The following RGS6 variants were observed in gnomAD, a reference collection of about 807,000 sequenced individuals.
RGS6 encodes regulator of G protein signaling 6, also known as regulator of G-protein signaling 6.
A neutral mutation model predicts 78.5 loss-of-function variants in RGS6; 30 were observed. The observed-to-expected ratio is 0.38, with a 90% confidence interval of 0.29 to 0.52. The LOEUF is 0.52. Among genes scored for constraint, RGS6 ranks in the 20% least tolerant of loss-of-function variants. The pLI is 0.85. For synonymous variants in RGS6, 206 were observed against 206.0 expected (o/e 1.00, Z 0.00); for missense variants, 495 against 609.7 (o/e 0.81, Z 1.98).
At chr14:72,424,798 G>C (rs1264252119) in intron 3 of RGS6, among the ~76,000 whole-genome samples, 1 of 152,002 alleles carries the variant, frequency 6.6e-6, no homozygotes, top group Non-Finnish European at 1.5e-5. Flanking sequence ...TCTGAGTTCT[G>C]GGGGGGCAAT....
chr14:71,987,239 A>T (rs1387594486), intron 2 of RGS6, among the ~76,000 whole-genome samples: 2 of 152,148 alleles, frequency 1.3e-5, no homozygotes, highest in Non-Finnish European at 2.9e-5. Flanking sequence ...GATGGTTGAT[A>T]TGTGGCAATC....
chr14:72,431,193 G>A (rs1029102851), intron 3 of RGS6, among the ~76,000 whole-genome samples: 7 of 152,194 alleles, frequency 4.6e-5, no homozygotes, highest in Non-Finnish European at 1.0e-4. Flanking sequence ...CCAGATGCCT[G>A]CTCTGTGTAG....
At chr14:71,970,770 G>T (rs1458637960) in intron 2 of RGS6, among the ~76,000 whole-genome samples, 1 of 152,174 alleles carries the variant, frequency 6.6e-6, no homozygotes, top group Non-Finnish European at 1.5e-5. Context: ...GGCCAGCTGG[G>T]GGTAAATGGG....
At chr14:72,439,044 C>T (rs1566849274) in intron 3 of RGS6, among the ~76,000 whole-genome samples, 1 of 152,212 alleles carries the variant, frequency 6.6e-6, no homozygotes, top group Non-Finnish European at 1.5e-5. Context: ...CCTTCTTGTT[C>T]CTGAGTTCTT....
At chr14:72,176,330 T>C (rs1434935927) in intron 2 of RGS6, among the ~76,000 whole-genome samples, 1 of 152,178 alleles carries the variant, frequency 6.6e-6, no homozygotes. Context: ...CTATGTGCTT[T>C]AGGGGGTCTC....
chr14:72,301,980 T>C (rs574247532), intron 2 of RGS6, among the ~76,000 whole-genome samples: 2 of 152,222 alleles, frequency 1.3e-5, no homozygotes, highest in Non-Finnish European at 2.9e-5. Context: ...ATGCTGCTTA[T>C]AGGTGGAAAA....
At chr14:72,471,241 T>G (rs1051137817) in intron 8 of RGS6, among the ~76,000 whole-genome samples, 10 of 152,224 alleles carry the variant, frequency 6.6e-5, no homozygotes, top group African/African-American at 2.2e-4. Flanking sequence ...GGATACATAG[T>G]GGACATTTCT....
chr14:71,881,091 A>G, the RGS6 span, among the ~76,000 whole-genome samples: 1 of 152,182 alleles, frequency 6.6e-6, no homozygotes, highest in Admixed American at 6.5e-5. Context: ...TGACTGCCCC[A>G]CTGGATTTCA....
intron 17 of RGS6, chr14:72,540,619 T>C (rs1232905673): frequency 6.9e-7 from 1 of 1,456,138 alleles, no homozygotes; most frequent in Non-Finnish European, 9.2e-7. Context: ...GCATGGGTCC[T>C]GGCGATGTGG....
chr14:72,364,650 C>T (rs2082134193), intron 3 of RGS6, among the ~76,000 whole-genome samples: 1 of 152,170 alleles, frequency 6.6e-6, no homozygotes, highest in African/African-American at 2.4e-5. Flanking sequence ...GAATAATGGA[C>T]ATTATAAGGC....
intron 15 of RGS6, among the ~76,000 whole-genome samples, chr14:72,522,432 G>A (rs191655176): frequency 5.9e-5 from 9 of 152,298 alleles, no homozygotes; most frequent in African/African-American, 1.7e-4. Flanking sequence ...GCGTGATCCT[G>A]TAACCTGCCT....
rs187163293 is a variant in RGS6, at chr14:72,407,616, A to G, written c.185-46912A>G. ...CCTCAAGGTCCGTGTTATTCTAGACAGTAAACCGGGAGAGGCTTCTAAAGC... is the reference window on the plus strand; with the variant it reads ...CCTCAAGGTCCGTGTTATTCTAGACGGTAAACCGGGAGAGGCTTCTAAAGC... On this transcript the variant is annotated intron_variant, in intron 3 of 17. Transcript: ENST00000553525. 4.6e-3 allele frequency among the ~76,000 whole-genome samples: 703 copies of G among 152,370 alleles called. 4 individuals carry two copies. Among genetic ancestry groups the G allele is most frequent in the Non-Finnish European group, 7.3e-3 (497 of 68,030 alleles).
At chr14:72,148,812 A>G (rs916285895) in intron 2 of RGS6, among the ~76,000 whole-genome samples, 15 of 152,370 alleles carry the variant, frequency 9.8e-5, no homozygotes, top group Non-Finnish European at 1.5e-4. Flanking sequence ...AATTCAAAGT[A>G]TAGTATGGTG....
chr14:72,231,009 A>G (rs1411957483), intron 2 of RGS6, among the ~76,000 whole-genome samples: 1 of 152,182 alleles, frequency 6.6e-6, no homozygotes, highest in Non-Finnish European at 1.5e-5. Flanking sequence ...TTCCACAGAG[A>G]TAAATACCTA....
chr14:72,349,883 T>G (rs919605083), intron 2 of RGS6, among the ~76,000 whole-genome samples: 2 of 152,204 alleles, frequency 1.3e-5, no homozygotes, highest in African/African-American at 4.8e-5. Flanking sequence ...TCTCAATGAT[T>G]TTCTGGCCAT....
intron 2 of RGS6, among the ~76,000 whole-genome samples, chr14:71,997,833 CTCTG>C (rs2082688810): frequency 6.6e-6 from 1 of 152,134 alleles, no homozygotes; most frequent in South Asian, 2.1e-4. Flanking sequence ...TATAATTTGG[CTCTG>C]TATCAGTTAG....
chr14:72,358,118 A>G (rs549223548), intron 3 of RGS6, among the ~76,000 whole-genome samples: 1 of 152,138 alleles, frequency 6.6e-6, no homozygotes, highest in Non-Finnish European at 1.5e-5. Context: ...TGTGCAGAAG[A>G]CAAGAACTGA....
rs1046912643 is a variant in RGS6, at chr14:72,413,974, C to T, written c.185-40554C>T. ...GATGGGCTTTCCTTTGTGGGTAACC[C>T]GACCTTTCTCTCTGGCTGCTCTTAA... is the stretch of plus-strand genomic sequence containing the variant. On this transcript the variant is annotated intron_variant, in intron 3 of 17. Transcript: ENST00000553525. 6.4e-4 allele frequency among the ~76,000 whole-genome samples: 97 copies of T among 152,102 alleles called. 1 individual carries two copies. The highest frequency in any genetic ancestry group is 2.2e-4 in the Non-Finnish European group (15 of 67,994).
At chr14:71,927,165 G>A in the RGS6 span, among the ~76,000 whole-genome samples, 7 of 152,140 alleles carry the variant, frequency 4.6e-5, no homozygotes, top group African/African-American at 1.7e-4. Flanking sequence ...GTTATTTGGG[G>A]CCTGGTGTAG....
Sources: allele counts gnomAD v4.1 joint callset (sites outside exome capture counted in the v4.1 genomes callset), GRCh38; gene constraint gnomAD v4.1.1; transcripts MANE v1.5; gene names NCBI Gene and HGNC (gene_info 2026-07-23, HGNC 2026-07-21).